The following SH3RF3 variants were observed in gnomAD, a reference collection of about 807,000 sequenced individuals.
The protein encoded by SH3RF3 is SH3 domain containing ring finger 3, also known as E3 ubiquitin-protein ligase SH3RF3.
SH3RF3 carries 29 observed loss-of-function variants against 66.3 expected under a neutral mutation model. The observed-to-expected ratio is 0.44, with a 90% CI of 0.33 to 0.60. The LOEUF (loss-of-function observed/expected upper bound fraction) is 0.60. Among genes scored for constraint, SH3RF3 ranks in the 20% least tolerant of loss-of-function variants. SH3RF3 has a pLI of 0.04. For missense variants in SH3RF3, 1,194 were observed against 1,190.9 expected (o/e 1.00, Z -0.04); for synonymous variants, 583 against 532.0 (o/e 1.10, Z -1.32).
chr2:109,470,556 C>T (rs1678477962), intron 8 of SH3RF3, among the ~76,000 whole-genome samples: 2 of 152,230 alleles, frequency 1.3e-5, no homozygotes, highest in South Asian at 4.1e-4. Context: ...CAAGCCCTGG[C>T]TCAGTACTCT....
At chr2:109,454,380 C>G (rs1023693510) in intron 8 of SH3RF3, among the ~76,000 whole-genome samples, 2 of 152,150 alleles carry the variant, frequency 1.3e-5, no homozygotes, top group African/African-American at 4.8e-5. Flanking sequence ...CATTTTTAGT[C>G]CTGTCTGGAT....
chr2:109,400,255 G>A (rs1676270165), intron 4 of SH3RF3, among the ~76,000 whole-genome samples: 1 of 150,254 alleles, frequency 6.7e-6, no homozygotes, highest in Non-Finnish European at 1.5e-5. Flanking sequence ...ATGGACACTT[G>A]AGCACATGCC....
chr2:109,396,090 G>A (rs1676135517), intron 3 of SH3RF3, among the ~76,000 whole-genome samples: 1 of 152,286 alleles, frequency 6.6e-6, no homozygotes, highest in East Asian at 1.9e-4. Context: ...ACGAATGGAG[G>A]ACTGCGCTCA....
chr2:109,493,079 A>G (rs1679170071), intron 9 of SH3RF3, among the ~76,000 whole-genome samples: 2 of 150,858 alleles, frequency 1.3e-5, no homozygotes, highest in African/African-American at 4.9e-5. Context: ...CCACACATAC[A>G]CCATACATAC....
chr2:109,271,728 T>C lies in SH3RF3; in HGVS notation c.574-75946T>C, dbSNP rs141500438. Reference sequence around the variant, plus strand: ...CCCCTCTGCCAATTCACTGCCTGTTTGCACAGAAAGTCGTGTGTCCTCAGT... The same window carrying C: ...CCCCTCTGCCAATTCACTGCCTGTTCGCACAGAAAGTCGTGTGTCCTCAGT... On this transcript the variant is annotated intron_variant, in intron 1 of 9. Transcript: ENST00000309415. 3.3e-5 allele frequency among the ~76,000 whole-genome samples: 5 copies of C among 152,376 alleles called. No individual in the cohort carries two copies. In the East Asian group the frequency reaches 9.6e-4, roughly 29 times the overall value.
intron 9 of SH3RF3, among the ~76,000 whole-genome samples, chr2:109,497,656 T>C (rs1679289135): frequency 6.6e-6 from 1 of 152,184 alleles, no homozygotes; most frequent in African/African-American, 2.4e-5. Context: ...ATCAATTACT[T>C]TCCTGCAGCA....
In SH3RF3 at chr2:109,457,798, C is replaced by A. The variant is rs562575154; in HGVS notation, c.2148+8309C>A. Among the ~76,000 whole-genome samples the A allele has an allele frequency of 3.3e-5, 5 of 152,298 alleles. No homozygotes were observed. The East Asian group carries it at 9.6e-4, about 29-fold the overall frequency. ...GAAAAACTCAGTGATGGCATTAGTTCAGAAGAAAAACAAGCGCACACCCCA... is the reference window on the plus strand; with the variant it reads ...GAAAAACTCAGTGATGGCATTAGTTAAGAAGAAAAACAAGCGCACACCCCA... On this transcript the variant is annotated intron_variant, in intron 8 of 9. Transcript: ENST00000309415.
intron 1 of SH3RF3, among the ~76,000 whole-genome samples, chr2:109,239,774 A>T (rs1268694991): frequency 6.6e-6 from 1 of 152,204 alleles, no homozygotes; most frequent in Non-Finnish European, 1.5e-5. Flanking sequence ...CTGCTGTGGG[A>T]GTCCCTTGTC....
chr2:109,195,000 A>G (rs1404900596), intron 1 of SH3RF3, among the ~76,000 whole-genome samples: 4 of 152,186 alleles, frequency 2.6e-5, no homozygotes, highest in Admixed American at 2.6e-4. Context: ...TTTTGAGAAC[A>G]CACAGCTTTT....
chr2:109,412,117 G>A (rs1676606360), intron 4 of SH3RF3, among the ~76,000 whole-genome samples: 1 of 152,234 alleles, frequency 6.6e-6, no homozygotes, highest in African/African-American at 2.4e-5. Flanking sequence ...GGCAGTCGGT[G>A]GATGCCGGCA....
chr2:109,331,731 A>T (rs1682291082), intron 1 of SH3RF3, among the ~76,000 whole-genome samples: 2 of 152,228 alleles, frequency 1.3e-5, no homozygotes, highest in South Asian at 4.1e-4. Context: ...TCCTAGAACC[A>T]TGTCTGGCAC....
intron 1 of SH3RF3, among the ~76,000 whole-genome samples, chr2:109,177,186 G>A (rs902107579): frequency 4.6e-5 from 7 of 152,232 alleles, no homozygotes; most frequent in Admixed American, 3.3e-4. Context: ...GTCAGAATAA[G>A]GGGGACTGTG....
chr2:109,369,996 T>C (rs902567954), intron 2 of SH3RF3, among the ~76,000 whole-genome samples: 4 of 152,170 alleles, frequency 2.6e-5, no homozygotes, highest in Non-Finnish European at 5.9e-5. Flanking sequence ...ATCTCCTCCT[T>C]AGCCTGTTCA....
At chr2:109,414,233 G>A (rs1477147093) in intron 4 of SH3RF3, among the ~76,000 whole-genome samples, 2 of 152,194 alleles carry the variant, frequency 1.3e-5, no homozygotes, top group African/African-American at 4.8e-5. Flanking sequence ...ACGAGCCTTT[G>A]TTGAGGGCCT....
chr2:109,237,044 C>T (rs1192067201), intron 1 of SH3RF3, among the ~76,000 whole-genome samples: 1 of 152,136 alleles, frequency 6.6e-6, no homozygotes, highest in Non-Finnish European at 1.5e-5. Context: ...CAAATGAAAG[C>T]AGTGACATCA....
At chr2:109,300,043 A>G (rs12614149) in intron 1 of SH3RF3, among the ~76,000 whole-genome samples, 5,371 of 152,264 alleles carry the variant, frequency 0.035, 228 homozygotes, top group African/African-American at 0.095. Flanking sequence ...CAGTCACTGC[A>G]TGGGTGAGTG....
chr2:109,398,856 T>C lies in SH3RF3; in HGVS notation c.1212T>C (p.Ser404=), dbSNP rs1676226760. The C allele has an allele frequency of 1.9e-6, 3 of 1,613,850 alleles. No individual in the cohort carries two copies. Among genetic ancestry groups the C allele is most frequent in the African/African-American group, 2.7e-5 (2 of 74,936 alleles). Reference sequence around the variant, plus strand: ...GCCACAGGCATTCCATGGAAATTAGTGCTCCAGTGTTGATCAGCTCCAGCG... The same window carrying C: ...GCCACAGGCATTCCATGGAAATTAGCGCTCCAGTGTTGATCAGCTCCAGCG... ...AASHRHSMEI[S]APVLISSSDP... The change falls in exon 4 of 10, where the codon AGT becomes AGC. Residue 404 remains serine, a synonymous_variant. Coordinates refer to ENST00000309415, the MANE Select transcript of SH3RF3 (RefSeq NM_001099289.3).
At position 109,503,350 on chromosome 2, in the gene SH3RF3, C is replaced by T. The variant is rs1011541322; in HGVS notation, c.*1679C>T. 9 of 152,134 alleles carry T rather than the reference C, an allele frequency of 5.9e-5. No homozygotes were observed. The highest frequency in any genetic ancestry group is 2.1e-4 in the South Asian group (1 of 4,820). The allele number at this position is 152,134 out of a possible 1,614,324, so 9.4% of individuals were successfully genotyped here. Reference sequence around the variant, plus strand: ...TGCCTGGCATGAAGACTTTGAAACACGGGCCGCTTATTTTCAGAGTTCCTG... The same window carrying T: ...TGCCTGGCATGAAGACTTTGAAACATGGGCCGCTTATTTTCAGAGTTCCTG... On this transcript the variant is annotated 3_prime_UTR_variant, in exon 10 of 10. Coordinates refer to ENST00000309415, the MANE Select transcript of SH3RF3 (RefSeq NM_001099289.3).
rs11895865 is a variant in SH3RF3 at position 109,350,692 on chromosome 2, C to G, written c.849+2743C>G. 6.4e-3 allele frequency among the ~76,000 whole-genome samples: 973 copies of G among 152,352 alleles called. 12 individuals are homozygous for G. The highest frequency in any genetic ancestry group is 0.022 in the African/African-American group (914 of 41,590). ...GGTGGGTCCGACCCACCTTACTTCCCCCATGCCTGGCATGCAGCTGAGACG... is the reference window on the plus strand; with the variant it reads ...GGTGGGTCCGACCCACCTTACTTCCGCCATGCCTGGCATGCAGCTGAGACG... On this transcript the variant is annotated intron_variant, in intron 2 of 9. Transcript: ENST00000309415.
Sources: gnomAD v4.1 joint callset for allele counts (sites outside exome capture counted in the v4.1 genomes callset) on GRCh38, gnomAD v4.1.1 for gene constraint, MANE v1.5 for transcripts, NCBI Gene and HGNC (gene_info 2026-07-23, HGNC 2026-07-21) for gene names.